The following SRPK2 variants were observed in gnomAD, a reference collection of about 807,000 sequenced individuals.
SRPK2 encodes the protein SRSF protein kinase 2, also known as SFRS protein kinase 2.
Under a neutral mutation model 90.8 loss-of-function variants are expected in SRPK2, and 21 were observed. That is an observed-to-expected ratio of 0.23 (90% CI 0.16 to 0.33). The LOEUF (loss-of-function observed/expected upper bound fraction) is 0.33. SRPK2 is among the 10% of genes least tolerant of loss of function. SRPK2 has a pLI of 1.00. For missense variants in SRPK2, 620 were observed against 869.0 expected, an observed-to-expected ratio of 0.71 and a Z score of 3.60; for synonymous variants, 288 against 311.1, an observed-to-expected ratio of 0.93 and a Z score of 0.78.
chr7:105,126,287 G>A lies in SRPK2; in HGVS notation c.1876C>T (p.Leu626=), dbSNP rs1050418. Residue 626 remains leucine (L), a synonymous_variant, in exon 15 of 16, where the codon CTA becomes TTA. Transcript: ENST00000393651. ...AATTCCCGAGAATATTTTCCAGATA[G>A]AGCAAAGTGCCTTGGAATACTGCCT... ...LLGSIPRHFA[L]SGKYSREFFN... The A allele has an allele frequency of 6.2e-7, 1 of 1,614,088 alleles. No individual in the cohort carries two copies. Among genetic ancestry groups the A allele is most frequent in the Non-Finnish European group, 8.5e-7 (1 of 1,179,992 alleles).
chr7:105,211,343 C>T (rs1489630924), intron 2 of SRPK2, among the ~76,000 whole-genome samples: 1 of 151,924 alleles, frequency 6.6e-6, no homozygotes, highest in Non-Finnish European at 1.5e-5. Flanking sequence ...ATCTTATTCC[C>T]TGAATGAGTC....
At chr7:105,340,000 G>T (rs910414018) in intron 2 of SRPK2, among the ~76,000 whole-genome samples, 2 of 151,236 alleles carry the variant, frequency 1.3e-5, no homozygotes, top group African/African-American at 4.9e-5. Flanking sequence ...GGAAACTGCA[G>T]TGTGCCAAGA....
At chr7:105,350,921 C>G (rs1405397748) in intron 2 of SRPK2, among the ~76,000 whole-genome samples, 2 of 152,192 alleles carry the variant, frequency 1.3e-5, no homozygotes, top group African/African-American at 4.8e-5. Flanking sequence ...CAACCCTATA[C>G]TACATTAAAG....
chr7:105,321,103 G>A (rs549332291), intron 2 of SRPK2, among the ~76,000 whole-genome samples: 1 of 152,260 alleles, frequency 6.6e-6, no homozygotes, highest in African/African-American at 2.4e-5. Context: ...AAAGCGCTGG[G>A]ATTGCAGATG....
At chr7:105,260,268 A>T (rs1419989930) in intron 2 of SRPK2, among the ~76,000 whole-genome samples, 1 of 152,250 alleles carries the variant, frequency 6.6e-6, no homozygotes, top group Non-Finnish European at 1.5e-5. Context: ...TGCAGCCAGA[A>T]GACACATGAA....
At chr7:105,231,623 T>C (rs1235708510) in intron 2 of SRPK2, among the ~76,000 whole-genome samples, 1 of 152,274 alleles carries the variant, frequency 6.6e-6, no homozygotes, top group African/African-American at 2.4e-5. Context: ...TGATGTGAGA[T>C]AATACTTCAC....
intron 11 of SRPK2, among the ~76,000 whole-genome samples, chr7:105,140,888 G>A (rs1803646927): frequency 6.6e-6 from 1 of 152,040 alleles, no homozygotes; most frequent in Admixed American, 6.5e-5. Context: ...TTGAACCCGG[G>A]AGGCAGAGGT....
chr7:105,249,807 A>G (rs911746716), intron 2 of SRPK2, among the ~76,000 whole-genome samples: 3 of 152,270 alleles, frequency 2.0e-5, no homozygotes, highest in African/African-American at 7.2e-5. Flanking sequence ...ATGCTACATC[A>G]TTCATAAATG....
At chr7:105,170,934 GGAAAGAAAGAAAGAAA>G (rs1554435876) in intron 3 of SRPK2, among the ~76,000 whole-genome samples, 1 of 29,120 alleles carries the variant, frequency 3.4e-5, no homozygotes, top group Non-Finnish European at 7.3e-5. Flanking sequence ...AAAAGAAAAA[GGAAAGAAAGAAAGAAA>G]GAAAGAAAGA....
intron 2 of SRPK2, among the ~76,000 whole-genome samples, chr7:105,313,892 C>A (rs1293714283): frequency 1.3e-5 from 2 of 151,984 alleles, no homozygotes; most frequent in African/African-American, 4.8e-5. Context: ...AGTAAAAGAA[C>A]TGGCAGTATA....
upstream of SRPK2, among the ~76,000 whole-genome samples, chr7:105,393,840 G>A (rs925816871): frequency 3.6e-4 from 54 of 151,952 alleles, no homozygotes; most frequent in Non-Finnish European, 1.5e-4. Context: ...AAAGTAGGAG[G>A]ATCACTTGAG....
chr7:105,198,001 G>C (rs531112517), intron 3 of SRPK2, among the ~76,000 whole-genome samples: 33 of 152,290 alleles, frequency 2.2e-4, no homozygotes, highest in African/African-American at 7.7e-4. Context: ...TATACACCGA[G>C]GGTTCTGGAA....
upstream of SRPK2, among the ~76,000 whole-genome samples, chr7:105,392,791 C>A (rs977374933): frequency 2.0e-5 from 3 of 151,752 alleles, no homozygotes; most frequent in African/African-American, 4.8e-5. Context: ...AACCACTATA[C>A]CCAGACTTAA....
intron 2 of SRPK2, among the ~76,000 whole-genome samples, chr7:105,262,489 C>G (rs190992648): frequency 6.6e-6 from 1 of 152,168 alleles, no homozygotes; most frequent in African/African-American, 2.4e-5. Context: ...CATTCCCCAG[C>G]TCCCAAACCA....
chr7:105,301,911 A>C, intron 2 of SRPK2: 2 of 1,607,640 alleles, frequency 1.2e-6, no homozygotes, highest in Non-Finnish European at 1.7e-6. Flanking sequence ...ATCTCAATTG[A>C]AACTCCTAAT....
At chr7:105,255,792 C>T (rs539421709) in intron 2 of SRPK2, among the ~76,000 whole-genome samples, 22 of 152,118 alleles carry the variant, frequency 1.4e-4, no homozygotes, top group East Asian at 3.9e-4. Context: ...ATTAGCTGGA[C>T]GTGCTGGTGG....
chr7:105,204,578 C>A, intron 2 of SRPK2: 1 of 488,924 alleles, frequency 2.0e-6, no homozygotes, highest in Non-Finnish European at 3.8e-6. Context: ...AATAAAACTA[C>A]CACTGAATGC....
At chr7:105,254,672 T>TG (rs1563151552) in intron 2 of SRPK2, among the ~76,000 whole-genome samples, 19 of 151,584 alleles carry the variant, frequency 1.3e-4, no homozygotes, top group Admixed American at 2.0e-4. Flanking sequence ...CTTGTTTTTT[T>TG]TTTGTTGTTG....
intron 2 of SRPK2, among the ~76,000 whole-genome samples, chr7:105,235,814 A>T (rs909402532): frequency 6.6e-6 from 1 of 152,258 alleles, no homozygotes; most frequent in Non-Finnish European, 1.5e-5. Flanking sequence ...TGTCATCACA[A>T]AGAATTATTA....
Sources: gnomAD v4.1 joint callset for allele counts (sites outside exome capture counted in the v4.1 genomes callset) on GRCh38, gnomAD v4.1.1 for gene constraint, MANE v1.5 for transcripts, NCBI Gene and HGNC (gene_info 2026-07-23, HGNC 2026-07-21) for gene names.